The following TMCC3 variants were observed in gnomAD, a reference collection of about 807,000 sequenced individuals.
The protein encoded by TMCC3 is transmembrane and coiled-coil domain protein 3.
A neutral mutation model predicts 40.2 loss-of-function variants in TMCC3; 28 were observed. The ratio of observed to expected loss-of-function variants is 0.70; its 90% CI spans 0.52 to 0.95. The LOEUF is 0.95. Among genes scored for constraint, TMCC3 ranks in the 40% least tolerant of loss-of-function variants. The probability of loss-of-function intolerance (pLI) is 0.00; values close to 1 mark genes in which losing one functional copy is unlikely to be tolerated. For missense variants in TMCC3, 554 were observed against 615.2 expected, an observed-to-expected ratio of 0.90 and a Z score of 1.05; for synonymous variants, 255 against 248.5, an observed-to-expected ratio of 1.03 and a Z score of -0.25.
chr12:94,583,938 TGATTA>T (rs1193115350), intron 1 of TMCC3, among the ~76,000 whole-genome samples: 4 of 152,192 alleles, frequency 2.6e-5, no homozygotes, highest in Non-Finnish European at 5.9e-5. Context: ...AATATCCCTT[TGATTA>T]GATTAATGAC....
In TMCC3 at chr12:94,571,468, C is replaced by A. The variant is rs753168998; in HGVS notation, c.1401G>T (p.Leu467=). ...AIFCKNWDHI[L]CAIERMIIPR is the part of the protein sequence containing the mutation. ...GTATTATCATCCTTTCTATGGCACA[C>A]AGGATATGGTCCCAGTTTTTACAAA... The change falls in exon 4 of 4, where the codon CTG becomes CTT. Residue 467 remains leucine, a synonymous_variant. Coordinates refer to ENST00000261226, the MANE Select transcript of TMCC3 (RefSeq NM_020698.4). 17 of 1,613,796 alleles carry A rather than the reference C, an allele frequency of 1.1e-5. No homozygotes were observed. The highest frequency in any genetic ancestry group is 6.7e-5 in the East Asian group (3 of 44,894).
Position 94,644,130 on chromosome 12 carries a change from T to C in TMCC3, c.78+6223A>G, listed in dbSNP as rs902287447. On this transcript the variant is annotated intron_variant, in intron 1 of 3. Transcript: ENST00000261226. The stretch of plus-strand genomic sequence containing the variant: ...ATCCACAAATATACTATGGTTCCTT[T>C]CAGGCAGCACCCCTCCCAAGTCGAC... 1.2e-4 allele frequency among the ~76,000 whole-genome samples: 18 copies of C among 152,192 alleles called. No individual in the cohort carries two copies. The East Asian group carries it at 3.3e-3, about 28-fold the overall frequency.
chr12:94,593,446 G>GAGA (rs1290528124), intron 1 of TMCC3, among the ~76,000 whole-genome samples: 1 of 26,400 alleles, frequency 3.8e-5, no homozygotes, highest in African/African-American at 1.5e-4. Context: ...GAAGGAGAAG[G>GAGA]AGAAGGAGAA....
rs573633135 is a variant in TMCC3, at chr12:94,648,816, AAAG to A, written c.78+1534_78+1536del. 6.6e-4 allele frequency among the ~76,000 whole-genome samples: 100 copies of A among 152,356 alleles called. 1 individual carries two copies. The highest frequency in any genetic ancestry group is 1.8e-3 in the African/African-American group (73 of 41,582). On this transcript the variant is annotated intron_variant, in intron 1 of 3. Coordinates refer to ENST00000261226, the MANE Select transcript of TMCC3 (RefSeq NM_020698.4). ...CTAAGATTACTAATCTTGTTTACAC[AAAG>A]AAGATCACAGTTGTGACAAGAAAAA...
chr12:94,644,354 C>A (rs1302663944), intron 1 of TMCC3: 2 of 984,838 alleles, frequency 2.0e-6, no homozygotes, highest in African/African-American at 3.5e-5. Context: ...CTAAGTCAAG[C>A]TGCGGGCATT....
intron 2 of TMCC3, among the ~76,000 whole-genome samples, chr12:94,580,532 T>A (rs1241688714): frequency 6.6e-6 from 1 of 152,068 alleles, no homozygotes; most frequent in Non-Finnish European, 1.5e-5. Context: ...GTCAGGTGTT[T>A]GAGACCAGCC....
intron 1 of TMCC3, chr12:94,591,124 A>C (rs7975133): frequency 0.64 from 286,060 of 447,464 alleles, 91,686 homozygotes; most frequent in Admixed American, 0.7. Context: ...TGACAGCTGG[A>C]TGAAACAATT....
At chr12:94,597,120 A>AATAC (rs1555283279) in intron 1 of TMCC3, among the ~76,000 whole-genome samples, 1 of 5,486 alleles carries the variant, frequency 1.8e-4, no homozygotes, top group Non-Finnish European at 6.2e-4. Context: ...TCTCTATTAA[A>AATAC]ATACATATAT....
chr12:94,607,456 C>A (rs989576676), intron 1 of TMCC3, among the ~76,000 whole-genome samples: 2 of 152,166 alleles, frequency 1.3e-5, no homozygotes, highest in African/African-American at 4.8e-5. Flanking sequence ...TCAGAGATTG[C>A]AGTAAAGACA....
At chr12:94,609,664 A>G (rs2138858054) in intron 1 of TMCC3, 1 of 152,288 alleles carries the variant, frequency 6.6e-6, no homozygotes, top group African/African-American at 2.4e-5. Context: ...ACTGAATAAA[A>G]TCAGTTTCAA....
At chr12:94,637,223 G>T (rs1412588591) in intron 1 of TMCC3, among the ~76,000 whole-genome samples, 1 of 152,174 alleles carries the variant, frequency 6.6e-6, no homozygotes, top group Non-Finnish European at 1.5e-5. Context: ...ATGAAAATAT[G>T]ATCTATTGTA....
At chr12:94,597,124 C>CATATATATATATATATATATATATATAT in intron 1 of TMCC3, among the ~76,000 whole-genome samples, 1 of 29,832 alleles carries the variant, frequency 3.4e-5, no homozygotes, top group Admixed American at 3.4e-4. Context: ...TATTAAAATA[C>CATATATATATATATATATATATATATAT]ATATATATAT....
At chr12:94,615,841 C>T in intron 1 of TMCC3, 1 of 797,650 alleles carries the variant, frequency 1.3e-6, no homozygotes, top group Non-Finnish European at 1.5e-6. Context: ...TCTGGCATCT[C>T]CCAGGATATT....
intron 1 of TMCC3, among the ~76,000 whole-genome samples, chr12:94,586,300 C>G (rs943214768): frequency 1.3e-5 from 2 of 152,214 alleles, no homozygotes; most frequent in South Asian, 2.1e-4. Flanking sequence ...AAGCTGAACA[C>G]ATTGTGTGAC....
chr12:94,591,442 G>A (rs1210153173), intron 1 of TMCC3, among the ~76,000 whole-genome samples: 15 of 89,226 alleles, frequency 1.7e-4, no homozygotes, highest in African/African-American at 3.3e-4. Context: ...GTGTTTCCTC[G>A]TAGGAAAAAA....
intron 1 of TMCC3, among the ~76,000 whole-genome samples, chr12:94,592,661 C>CAAAAAAAAAAAAAAAAAAAAAA (rs869058316): frequency 0.031 from 861 of 27,408 alleles, 156 homozygotes; most frequent in Non-Finnish European, 0.04. Flanking sequence ...GGCTCCATCT[C>CAAAAAAAAAAAAAAAAAAAAAA]AAAAAAAAAA....
chr12:94,648,529 A>G (rs1276519765), intron 1 of TMCC3, among the ~76,000 whole-genome samples: 1 of 152,214 alleles, frequency 6.6e-6, no homozygotes, highest in African/African-American at 2.4e-5. Flanking sequence ...CCGGCCCGTC[A>G]GCAGAATTTT....
rs1555281632 is a variant in TMCC3, at chr12:94,582,163, A to G, written c.454T>C (p.Ser152Pro). ...EIEQNGASRS[S>P]KDISKDHLKD... Reference sequence around the variant, plus strand: ...AGGTGGTCTTTGGAAATGTCCTTTGAGCTCCTAGAGGCTCCATTCTGCTCG... The same window carrying G: ...AGGTGGTCTTTGGAAATGTCCTTTGGGCTCCTAGAGGCTCCATTCTGCTCG... The change falls in exon 2 of 4, where the codon TCA (serine) becomes CCA (proline). Residue 152 changes from serine (S) to proline (P), a missense_variant. Ser to Pro is a moderately conservative substitution (Grantham distance 74). Transcript: ENST00000261226. 1.2e-6 allele frequency: 2 copies of G among 1,614,050 alleles called. No homozygotes were observed. Among genetic ancestry groups the G allele is most frequent in the Non-Finnish European group, 1.7e-6 (2 of 1,180,016 alleles).
chr12:94,628,654 T>C (rs1452525057), intron 1 of TMCC3, among the ~76,000 whole-genome samples: 1 of 152,218 alleles, frequency 6.6e-6, no homozygotes, highest in Non-Finnish European at 1.5e-5. Flanking sequence ...AGATGGACCC[T>C]TTCCAAAGGG....
Sources: allele counts gnomAD v4.1 joint callset (sites outside exome capture counted in the v4.1 genomes callset), GRCh38; gene constraint gnomAD v4.1.1; transcripts MANE v1.5; gene names NCBI Gene and HGNC (gene_info 2026-07-23, HGNC 2026-07-21).